Variants in MUC5B observed in about 807,000 individuals in gnomAD.
MUC5B encodes mucin-5B.
MUC5B carries 116 observed loss-of-function variants against 376.9 expected under a neutral mutation model. The observed-to-expected ratio is 0.31, with a 90% confidence interval of 0.26 to 0.36. The LOEUF (loss-of-function observed/expected upper bound fraction) is 0.36. Ranked by LOEUF, MUC5B falls within the 10% of genes least tolerant of loss-of-function variation. The pLI is 1.00. For missense variants in MUC5B, 7,165 were observed against 7,769.9 expected, an observed-to-expected ratio of 0.92 and a Z score of 2.93; for synonymous variants, 3,517 against 3,390.9, an observed-to-expected ratio of 1.04 and a Z score of -1.29.
rs780966231 is a variant in MUC5B, at chr11:1,247,211, C to A, written c.10331C>A (p.Thr3444Lys). ...TPSSALGTTH[T>K]PPVPNTTATT... ...TCCTCTGCCCTAGGGACCACCCACA[C>A]ACCCCCAGTGCCGAACACCACGGCC... The change falls in exon 31 of 49, where the codon ACA (threonine) becomes AAA (lysine). Residue 3444 changes from threonine (T) to lysine (K), a missense_variant. Around this residue, in one of 31 missense-constraint regions of MUC5B, gnomAD observed 939 missense variants for 770.6 expected, o/e 1.22. Coordinates refer to ENST00000529681, the MANE Select transcript of MUC5B (RefSeq NM_002458.3). 2 of 1,569,162 alleles carry A rather than the reference C, an allele frequency of 1.3e-6. No homozygotes were observed. Among genetic ancestry groups the A allele is most frequent in the Non-Finnish European group, 1.7e-6 (2 of 1,143,070 alleles).
rs1862134976 is a variant in MUC5B at position 1,235,413 on chromosome 11, G to T, written c.2880G>T (p.Glu960Asp). The T allele has an allele frequency of 6.2e-7, 1 of 1,610,680 alleles. No individual in the cohort carries two copies. The highest frequency in any genetic ancestry group is 8.5e-7 in the Non-Finnish European group (1 of 1,179,088). Residue 960 changes from glutamate to aspartate, a missense_variant and splice_region_variant, in exon 23 of 49, where the codon GAG becomes GAT. Around this residue, in one of 31 missense-constraint regions of MUC5B, gnomAD observed 530 missense variants for 604.0 expected, o/e 0.88. Coordinates refer to ENST00000529681, the MANE Select transcript of MUC5B (RefSeq NM_002458.3). The stretch of plus-strand genomic sequence containing the variant: ...CCAAGGCCATCAAGCTCTTCGTGGA[G>T]GTGAGAACGGCCCCAGCTGTGAGCA... ...TCSKAIKLFV[E>D]SYELILQEGT...
rs1383875841 is a variant in MUC5B, at chr11:1,223,098, TC to T, written c.-20del. On this transcript the variant is annotated 5_prime_UTR_variant, in exon 1 of 49. Transcript: ENST00000529681. ...CCGGCTCCCTCCCTGCCCGTCCCCGTCCCCCCACCCGTGCCAGCCCCCAGGA... is the reference window on the plus strand; with the variant it reads ...CCGGCTCCCTCCCTGCCCGTCCCCGTCCCCCACCCGTGCCAGCCCCCAGGA... The T allele has an allele frequency of 7.4e-6, 5 of 674,340 alleles. No homozygotes were observed. The highest frequency in any genetic ancestry group is 8.1e-6 in the Non-Finnish European group (3 of 368,448). The allele number at this position is 674,340 out of a possible 1,614,324, so 41.8% of individuals were successfully genotyped here.
Position 1,233,034 on chromosome 11 carries a change from C to T in MUC5B, c.2087C>T (p.Pro696Leu). The change falls in exon 18 of 49, where the codon CCC becomes CTC. Residue 696 changes from proline to leucine, a missense_variant. Physicochemically the swap from Pro to Leu is moderately conservative, Grantham distance 98. Transcript: ENST00000529681. ...ACAGCCAAGTACATGCAGAACTGCC[C>T]CAAGTCCCAGCGCTACGCCTACGTG... ...GVCTKYMQNC[P>L]KSQRYAYVVD... 1 of 1,598,706 alleles carries T rather than the reference C, an allele frequency of 6.3e-7. No homozygotes were observed. The highest frequency in any genetic ancestry group is 8.5e-7 in the Non-Finnish European group (1 of 1,176,804).
Position 1,236,442 on chromosome 11 carries a change from T to A in MUC5B, c.2937T>A (p.Gly979=), listed in dbSNP as rs768579479. The change falls in exon 24 of 49, where the codon GGT becomes GGA. Residue 979 remains glycine, a synonymous_variant. Coordinates refer to ENST00000529681, the MANE Select transcript of MUC5B (RefSeq NM_002458.3). ...GTFKAVARGP[G]GDPPYKIRYM... ...TTAAGGCGGTGGCGAGAGGGCCGGG[T>A]GGGGACCCACCCTACAAGATACGCT... The A allele has an allele frequency of 1.2e-6, 2 of 1,612,384 alleles. No homozygotes were observed. Among genetic ancestry groups the A allele is most frequent in the East Asian group, 4.5e-5 (2 of 44,862 alleles).
chr11:1,254,943 A>G (rs1862796276), intron 35 of MUC5B, 63 bp downstream of exon 35: 2 of 1,122,542 alleles, frequency 1.8e-6, no homozygotes, highest in African/African-American at 1.8e-5. Context: ...CCCAGTGAGC[A>G]TAGGGGAAGC....
chr11:1,226,319 C>A, intron 3 of MUC5B, 43 bp downstream of exon 3: 1 of 1,543,636 alleles, frequency 6.5e-7, no homozygotes, highest in Non-Finnish European at 8.8e-7. Context: ...GGGGTGTTTG[C>A]CAGTCCCAAA....
chr11:1,228,214 C>T (rs1294975287), intron 7 of MUC5B, among the ~76,000 whole-genome samples: 4 of 152,202 alleles, frequency 2.6e-5, no homozygotes, highest in African/African-American at 4.8e-5. Flanking sequence ...GGCCTGGGGA[C>T]GGAGGACACT....
Position 1,257,010 on chromosome 11 carries a change from C to A in MUC5B, c.16238-230C>A, listed in dbSNP as rs544802810. On this transcript the variant is annotated intron_variant, in intron 39 of 48. Coordinates refer to ENST00000529681, the MANE Select transcript of MUC5B (RefSeq NM_002458.3). The surrounding 1 kb of genome is among the most constrained non-coding windows in gnomAD (Gnocchi z 8.9). ...TCCTTGAGTGATCCTGTGATGGTCC[C>A]TCCCCTGAGCCCTGCCTCCCACCAC... Among the ~76,000 whole-genome samples, 1 of 152,280 alleles carries A rather than the reference C, an allele frequency of 6.6e-6. No homozygotes were observed. Among genetic ancestry groups the A allele is most frequent in the Non-Finnish European group, 1.5e-5 (1 of 68,020 alleles).
intron 9 of MUC5B, 56 bp downstream of exon 9, chr11:1,229,351 C>A: frequency 6.8e-7 from 1 of 1,474,012 alleles, no homozygotes; most frequent in Non-Finnish European, 9.0e-7. Flanking sequence ...TGCTCCCAAC[C>A]CCGCCCCCAG....
rs374559407 is a variant in MUC5B, at chr11:1,255,123, G to T, written c.15747G>T (p.Thr5249=). The T allele has an allele frequency of 4.4e-6, 7 of 1,582,078 alleles. No homozygotes were observed. Among genetic ancestry groups the T allele is most frequent in the Non-Finnish European group, 6.0e-6 (7 of 1,165,446 alleles). ...TAASCKDMAK[T]WLVPDSRKDG... ...CCAGTTGCAAGGACATGGCCAAGACGTGGCTGGTCCCCGACAGCAGAAAGG... is the reference window on the plus strand; with the variant it reads ...CCAGTTGCAAGGACATGGCCAAGACTTGGCTGGTCCCCGACAGCAGAAAGG... The change falls in exon 36 of 49, where the codon ACG becomes ACT. Residue 5249 remains threonine, a synonymous_variant. Coordinates refer to ENST00000529681, the MANE Select transcript of MUC5B (RefSeq NM_002458.3).
chr11:1,237,074 C>T lies in MUC5B; in HGVS notation c.3207C>T (p.Asp1069=). Residue 1069 remains aspartate (D), a synonymous_variant, in exon 25 of 49, where the codon GAC becomes GAT. Transcript: ENST00000529681. Reference sequence around the variant, plus strand: ...GCCCGGACGCCCTGGCACCCAAGGACCCCTGCACGGCCAACCCCTTCCGCA... The same window carrying T: ...GCCCGGACGCCCTGGCACCCAAGGATCCCTGCACGGCCAACCCCTTCCGCA... ...PSCPDALAPK[D]PCTANPFRKS... is the part of the protein sequence containing the mutation. 5.7e-6 allele frequency: 9 copies of T among 1,575,740 alleles called. No individual in the cohort carries two copies. The highest frequency in any genetic ancestry group is 7.8e-6 in the Non-Finnish European group (9 of 1,159,220).
intron 3 of MUC5B, 122 bp downstream of exon 3, chr11:1,226,398 CGTGT>C (rs1861883093): frequency 7.4e-7 from 1 of 1,356,080 alleles, no homozygotes. Context: ...CAGAGTCCTC[CGTGT>C]GGGCGGTCTC....
chr11:1,233,897 C>A (rs973368352), intron 19 of MUC5B, 49 bp downstream of exon 19: 3 of 1,535,068 alleles, frequency 2.0e-6, no homozygotes, highest in East Asian at 2.4e-5. Context: ...CCGCATCACC[C>A]CGCCTGGCCT....
rs570311520 is a variant in MUC5B, at chr11:1,230,397, C to T, written c.1360-93C>T. ...GCCAAGGACCACCTCCCCACAGAGC[C>T]ACATCCCCCACATGGGCATCCCCAG... On this transcript the variant is annotated intron_variant, in intron 11 of 48. Transcript: ENST00000529681. 5.7e-5 allele frequency: 73 copies of T among 1,274,168 alleles called. No homozygotes were observed. The African/African-American group carries it at 9.1e-4, about 16-fold the overall frequency. The allele number at this position is 1,274,168 out of a possible 1,614,324, so 78.9% of individuals were successfully genotyped here.
In MUC5B at chr11:1,244,470, C is replaced by T. The variant is rs774340575; in HGVS notation, c.7590C>T (p.Thr2530=). The T allele has an allele frequency of 9.1e-6, 14 of 1,538,074 alleles. No individual in the cohort carries two copies. The highest frequency in any genetic ancestry group is 1.2e-5 in the Non-Finnish European group (13 of 1,119,850). ...TALPALRSTA[T]TPTATSFTAI... Reference sequence around the variant, plus strand: ...TTCCAGCACTGAGAAGCACAGCCACCACACCCACAGCTACCAGCTTTACAG... The same window carrying T: ...TTCCAGCACTGAGAAGCACAGCCACTACACCCACAGCTACCAGCTTTACAG... Residue 2530 remains threonine, a synonymous_variant, in exon 31 of 49, where the codon ACC becomes ACT. Transcript: ENST00000529681.
Position 1,234,073 on chromosome 11 carries a change from TG to T in MUC5B, c.2378-131del. The T allele has an allele frequency of 1.2e-6, 1 of 839,498 alleles. No homozygotes were observed. The highest frequency in any genetic ancestry group is 1.9e-6 in the Non-Finnish European group (1 of 517,796). 52.0% of individuals were successfully genotyped at this position (839,498 alleles called of 1,614,324 possible). The stretch of plus-strand genomic sequence containing the variant: ...GCCGGGGTGTCCTGGGGTTGGGGGC[TG>T]CAGGTGTCATGGAAGCTTTGGCTCG... On this transcript the variant is annotated intron_variant, in intron 19 of 48. Coordinates refer to ENST00000529681, the MANE Select transcript of MUC5B (RefSeq NM_002458.3). This position sits in a 1 kb window ranked among gnomAD's most constrained non-coding sequence, Gnocchi z 6.3.
chr11:1,239,897 T>C lies in MUC5B; in HGVS notation c.3682T>C (p.Tyr1228His), dbSNP rs755768462. ...CTGCTACGACAAGGACGGAAACTAC[T>C]ATGACGTCGGTGCAAGGGTCCCCAC... Reference protein sequence around the residue: ...CGCYDKDGNYYDVGARVPTAE... With the variant: ...CGCYDKDGNYHDVGARVPTAE... The change falls in exon 28 of 49, where the codon TAT (tyrosine) becomes CAT (histidine). Residue 1228 changes from tyrosine to histidine, a missense_variant. Around this residue, in one of 31 missense-constraint regions of MUC5B, gnomAD observed 517 missense variants for 545.3 expected, o/e 0.95. Transcript: ENST00000529681. 28 of 1,613,356 alleles carry C rather than the reference T, an allele frequency of 1.7e-5. No individual in the cohort carries two copies. Among genetic ancestry groups the C allele is most frequent in the Non-Finnish European group, 2.4e-5 (28 of 1,179,746 alleles).
rs1862264295 is a variant in MUC5B, at chr11:1,240,841, C to G, written c.3971-10C>G. The G allele has an allele frequency of 6.3e-7, 1 of 1,599,062 alleles. No individual in the cohort carries two copies. Among genetic ancestry groups the G allele is most frequent in the Admixed American group, 1.7e-5 (1 of 59,122 alleles). ...GCTGAGCCAGGACCCCTTTCCCATG[C>G]CCCTTGCAGGCCCGGCCCTCCCGGT... is the stretch of plus-strand genomic sequence containing the variant. On this transcript the variant is annotated splice_polypyrimidine_tract_variant and intron_variant, in intron 30 of 48. Transcript: ENST00000529681.
intron 44 of MUC5B, 136 bp from the exon 45 acceptor site, chr11:1,259,620 C>T (rs1209851774): frequency 2.4e-6 from 2 of 822,594 alleles, no homozygotes; most frequent in Non-Finnish European, 3.9e-6. Context: ...GTGGGGGCAA[C>T]TTCTTCGGGT....
Sources: gnomAD v4.1 joint callset for allele counts (sites outside exome capture counted in the v4.1 genomes callset) on GRCh38, gnomAD v4.1.1 for gene constraint, gnomAD v4.1.1 regional missense constraint, Gnocchi (gnomAD v3.1) non-coding constraint, MANE v1.5 for transcripts, NCBI Gene and HGNC (gene_info 2026-07-23, HGNC 2026-07-21) for gene names.